PIP5K1B: variants seen among roughly 807,000 people sequenced by gnomAD.
The protein encoded by PIP5K1B is phosphatidylinositol 4-phosphate 5-kinase type-1 beta.
Under a neutral mutation model 67.0 loss-of-function variants are expected in PIP5K1B, and 42 were observed. The observed-to-expected ratio is 0.63, with a 90% confidence interval of 0.49 to 0.81. The LOEUF (loss-of-function observed/expected upper bound fraction) is 0.81. PIP5K1B is among the 30% of genes least tolerant of loss of function. The pLI, the probability that PIP5K1B is intolerant of heterozygous loss-of-function variation, is 0.00. For missense variants in PIP5K1B, 459 were observed against 646.3 expected (o/e 0.71, Z 3.14); for synonymous variants, 214 against 231.4 (o/e 0.92, Z 0.68).
chr9:68,753,383 A>AAAG (rs1396015890), intron 2 of PIP5K1B, among the ~76,000 whole-genome samples: 1 of 142,776 alleles, frequency 7.0e-6, no homozygotes, highest in Non-Finnish European at 1.5e-5. Flanking sequence ...TCTGTCACTT[A>AAAG]GGCTGGAGTG....
intron 1 of PIP5K1B, among the ~76,000 whole-genome samples, chr9:68,729,963 T>C (rs1021193328): frequency 1.3e-5 from 2 of 152,138 alleles, no homozygotes; most frequent in Non-Finnish European, 2.9e-5. Context: ...ACAACATTCA[T>C]TATAGTCATG....
intron 2 of PIP5K1B, among the ~76,000 whole-genome samples, chr9:68,810,128 G>T (rs17482797): frequency 1.3e-5 from 2 of 152,060 alleles, no homozygotes; most frequent in Non-Finnish European, 2.9e-5. Context: ...CGGGAAATGC[G>T]CTAGGAAATG....
chr9:68,729,968 G>A (rs569687790), intron 1 of PIP5K1B, among the ~76,000 whole-genome samples: 9 of 152,046 alleles, frequency 5.9e-5, no homozygotes, highest in African/African-American at 2.2e-4. Flanking sequence ...ATTCATTATA[G>A]TCATGAAAGG....
At position 69,008,579 on chromosome 9, in the gene PIP5K1B, G is replaced by C. The variant is rs1201641931; in HGVS notation, c.*130G>C. 6.8e-6 allele frequency: 6 copies of C among 877,964 alleles called. No homozygotes were observed. The highest frequency in any genetic ancestry group is 1.2e-5 in the Non-Finnish European group (6 of 519,578). The allele number at this position is 877,964 out of a possible 1,614,324, so 54.4% of individuals were successfully genotyped here. A position where few individuals can be genotyped will look rare whatever the true frequency, so the allele number is the denominator to read the frequency against. On this transcript the variant is annotated 3_prime_UTR_variant, in exon 16 of 16. Coordinates refer to ENST00000265382, the MANE Select transcript of PIP5K1B (RefSeq NM_003558.4). ...CTACACACAGAGAAATCATCAACCT[G>C]ACTTAAGAGTTTTCAAGATGTCAAC... is the stretch of plus-strand genomic sequence containing the variant.
rs771993301 is a variant in PIP5K1B at position 68,981,646 on chromosome 9, C to T, written c.1503-9494C>T. On this transcript the variant is annotated intron_variant, in intron 14 of 15. Transcript: ENST00000265382. Reference sequence around the variant, plus strand: ...CATATGTTCCCTCAACAAATGCTCTCATGAGAATTAGCTATAAAACACTCA... The same window carrying T: ...CATATGTTCCCTCAACAAATGCTCTTATGAGAATTAGCTATAAAACACTCA... Among the ~76,000 whole-genome samples the T allele has an allele frequency of 3.3e-5, 5 of 152,152 alleles. No individual in the cohort carries two copies. In the East Asian group the frequency reaches 5.8e-4, roughly 18 times the overall value.
At chr9:68,936,783 C>A (rs1827285776) in intron 13 of PIP5K1B, among the ~76,000 whole-genome samples, 1 of 152,176 alleles carries the variant, frequency 6.6e-6, no homozygotes, top group East Asian at 1.9e-4. Flanking sequence ...GACATTCATC[C>A]CTTTCTCCTA....
At chr9:68,939,161 A>T (rs1827428350) in intron 13 of PIP5K1B, among the ~76,000 whole-genome samples, 1 of 152,214 alleles carries the variant, frequency 6.6e-6, no homozygotes, top group Admixed American at 6.5e-5. Context: ...CACTGGCTTT[A>T]GAAAAAAGCA....
chr9:68,724,478 G>A (rs750661885), intron 1 of PIP5K1B, among the ~76,000 whole-genome samples: 6 of 152,032 alleles, frequency 3.9e-5, no homozygotes, highest in South Asian at 4.1e-4. Flanking sequence ...TCCGTATAGC[G>A]ATGTGCAGAT....
At chr9:68,757,819 T>C (rs545201567) in intron 2 of PIP5K1B, among the ~76,000 whole-genome samples, 1 of 152,238 alleles carries the variant, frequency 6.6e-6, no homozygotes, top group Admixed American at 6.5e-5. Context: ...CAGTTCCAGA[T>C]AAGATGAAGT....
intron 14 of PIP5K1B, among the ~76,000 whole-genome samples, chr9:68,944,644 T>C (rs578162343): frequency 1.3e-5 from 2 of 152,288 alleles, no homozygotes; most frequent in East Asian, 3.9e-4. Flanking sequence ...TGGCAAAGGC[T>C]CCCTAAATGA....
chr9:68,718,112 A>G lies in PIP5K1B; in HGVS notation c.-243+12350A>G, dbSNP rs151024119. 7.9e-5 allele frequency among the ~76,000 whole-genome samples: 12 copies of G among 152,266 alleles called. No individual in the cohort carries two copies. The East Asian group carries it at 2.3e-3, about 29-fold the overall frequency. On this transcript the variant is annotated intron_variant, in intron 1 of 15. Coordinates refer to ENST00000265382, the MANE Select transcript of PIP5K1B (RefSeq NM_003558.4). Reference sequence around the variant, plus strand: ...GGACTCCACATATAGTGCTCTGTCCACTCCTATGAAACCACAGAAAGTTGT... The same window carrying G: ...GGACTCCACATATAGTGCTCTGTCCGCTCCTATGAAACCACAGAAAGTTGT...
At chr9:68,747,702 C>T (rs948399940) in intron 2 of PIP5K1B, among the ~76,000 whole-genome samples, 1 of 152,002 alleles carries the variant, frequency 6.6e-6, no homozygotes, top group Admixed American at 6.6e-5. Flanking sequence ...TGTAGATTTG[C>T]TGTTTTTTTT....
intron 12 of PIP5K1B, among the ~76,000 whole-genome samples, chr9:68,928,332 G>A (rs1826814012): frequency 6.6e-6 from 1 of 152,084 alleles, no homozygotes; most frequent in Non-Finnish European, 1.5e-5. Flanking sequence ...AATTTCTGGG[G>A]GAAAAAGGGT....
At chr9:68,712,730 G>A (rs1206729695) in intron 1 of PIP5K1B, among the ~76,000 whole-genome samples, 1 of 152,152 alleles carries the variant, frequency 6.6e-6, no homozygotes, top group Non-Finnish European at 1.5e-5. Flanking sequence ...CACTTGTTTA[G>A]ATGATAAATT....
At chr9:68,720,089 G>A (rs1239067994) in intron 1 of PIP5K1B, among the ~76,000 whole-genome samples, 13 of 152,178 alleles carry the variant, frequency 8.5e-5, no homozygotes, top group Admixed American at 8.5e-4. Flanking sequence ...CTAGAACAGT[G>A]TCCAGCACAA....
chr9:68,900,424 C>G (rs1041344265), intron 8 of PIP5K1B, among the ~76,000 whole-genome samples: 1 of 152,118 alleles, frequency 6.6e-6, no homozygotes, highest in Non-Finnish European at 1.5e-5. Context: ...TTTAAAAGAA[C>G]AATTAGGATC....
chr9:68,934,893 T>C lies in PIP5K1B; in HGVS notation c.1205T>C (p.Leu402Ser). ...NSRVFKKIQA[L>S]KASPSKKRCN... is the part of the protein sequence containing the mutation. Reference sequence around the variant, plus strand: ...TGTCCTTTTCCTTTCTGTCTAGCTTTGAAGGCTTCACCGTCTAAGAAACGG... The same window carrying C: ...TGTCCTTTTCCTTTCTGTCTAGCTTCGAAGGCTTCACCGTCTAAGAAACGG... Residue 402 changes from leucine to serine, a missense_variant, in exon 13 of 16, where the codon TTG becomes TCG. Coordinates refer to ENST00000265382, the MANE Select transcript of PIP5K1B (RefSeq NM_003558.4). 1 of 1,607,062 alleles carries C rather than the reference T, an allele frequency of 6.2e-7. No homozygotes were observed. The highest frequency in any genetic ancestry group is 2.2e-5 in the East Asian group (1 of 44,608).
At chr9:68,805,017 G>A (rs957754384) in intron 2 of PIP5K1B, among the ~76,000 whole-genome samples, 1 of 152,172 alleles carries the variant, frequency 6.6e-6, no homozygotes. Flanking sequence ...GTTGGCTGAG[G>A]GCTGTGAGGG....
intron 8 of PIP5K1B, 118 bp from the exon 9 acceptor site, chr9:68,917,430 C>G: frequency 1.3e-6 from 1 of 746,082 alleles, no homozygotes; most frequent in Non-Finnish European, 2.3e-6. Context: ...TCTCAGCCAC[C>G]CCGCTGGGAG....
Sources: allele counts gnomAD v4.1 joint callset (sites outside exome capture counted in the v4.1 genomes callset), GRCh38; gene constraint gnomAD v4.1.1; transcripts MANE v1.5; gene names NCBI Gene and HGNC (gene_info 2026-07-23, HGNC 2026-07-21).